The following CFAP58 variants were observed in gnomAD, a reference collection of about 807,000 sequenced individuals.
CFAP58 encodes the protein cilia and flagella associated protein 58, also known as cilia- and flagella-associated protein 58.
In CFAP58, 88 loss-of-function variants were observed where a neutral mutation model predicts 119.5. That is an observed-to-expected ratio of 0.74 (90% CI 0.62 to 0.88). The LOEUF is 0.88. CFAP58 is among the 40% of genes least tolerant of loss of function. CFAP58 has a pLI of 0.00. For synonymous variants in CFAP58, 365 were observed against 366.3 expected (o/e 1.00, Z 0.04); for missense variants, 990 against 1,021.2 (o/e 0.97, Z 0.42).
At chr10:104,397,104 A>G (rs1489699310) in intron 11 of CFAP58, among the ~76,000 whole-genome samples, 4 of 152,208 alleles carry the variant, frequency 2.6e-5, no homozygotes, top group Non-Finnish European at 5.9e-5. Context: ...ATGGATTCTG[A>G]TCAGCTCTTG....
chr10:104,399,880 T>C (rs1479444675), intron 12 of CFAP58, among the ~76,000 whole-genome samples: 1 of 152,156 alleles, frequency 6.6e-6, no homozygotes, highest in South Asian at 2.1e-4. Flanking sequence ...CTTATCACGA[T>C]GTCGGCACAT....
intron 15 of CFAP58, among the ~76,000 whole-genome samples, chr10:104,409,363 A>G (rs919144146): frequency 1.3e-5 from 2 of 152,110 alleles, no homozygotes; most frequent in Admixed American, 6.5e-5. Flanking sequence ...TGTTGTCTGT[A>G]TTATACAGAT....
At chr10:104,369,872 T>G (rs2014799744) in intron 6 of CFAP58, among the ~76,000 whole-genome samples, 1 of 152,192 alleles carries the variant, frequency 6.6e-6, no homozygotes, top group African/African-American at 2.4e-5. Flanking sequence ...TGGCAAAATT[T>G]TAAAAAAGTG....
intron 1 of CFAP58, among the ~76,000 whole-genome samples, chr10:104,355,914 C>G (rs985239740): frequency 3.9e-5 from 6 of 152,200 alleles, no homozygotes; most frequent in African/African-American, 1.4e-4. Context: ...AAAACTTGGA[C>G]TGCTAACAAA....
At chr10:104,447,598 GC>G in intron 15 of CFAP58, 99 bp from the exon 16 acceptor site, 1 of 1,443,388 alleles carries the variant, frequency 6.9e-7, no homozygotes, top group Non-Finnish European at 9.5e-7. Flanking sequence ...CTGTGAAGTA[GC>G]TTGGGCCACT....
At chr10:104,358,082 TATAC>T (rs1457691678) in intron 1 of CFAP58, among the ~76,000 whole-genome samples, 1 of 140,206 alleles carries the variant, frequency 7.1e-6, no homozygotes, top group South Asian at 2.1e-4. Context: ...TGTACATATA[TATAC>T]ACACATATAT....
intron 17 of CFAP58, among the ~76,000 whole-genome samples, chr10:104,453,451 C>T (rs765851179): frequency 3.9e-5 from 6 of 152,090 alleles, no homozygotes; most frequent in Non-Finnish European, 8.8e-5. Context: ...GTACCTTTTA[C>T]CTTCTTTTGT....
At chr10:104,397,371 C>T (rs1229642917) in intron 11 of CFAP58, among the ~76,000 whole-genome samples, 7 of 152,112 alleles carry the variant, frequency 4.6e-5, no homozygotes, top group Non-Finnish European at 8.8e-5. Context: ...AATGAACAAA[C>T]AAAATGTCAT....
chr10:104,406,052 G>A (rs2012354073), intron 14 of CFAP58, among the ~76,000 whole-genome samples: 2 of 152,120 alleles, frequency 1.3e-5, no homozygotes, highest in African/African-American at 2.4e-5. Flanking sequence ...AGCCATGATC[G>A]CACCACTGCA....
chr10:104,420,227 T>C (rs1184024576), intron 15 of CFAP58, among the ~76,000 whole-genome samples: 2 of 152,020 alleles, frequency 1.3e-5, no homozygotes, highest in African/African-American at 4.8e-5. Flanking sequence ...ATGTACTCAA[T>C]TATCAAATGC....
At chr10:104,416,132 G>A (rs533912674) in intron 15 of CFAP58, among the ~76,000 whole-genome samples, 15 of 152,242 alleles carry the variant, frequency 9.9e-5, no homozygotes, top group African/African-American at 3.6e-4. Context: ...TTATTAAAAC[G>A]ATGAGAATAC....
At chr10:104,361,459 A>AT (rs1032720501) in intron 2 of CFAP58, among the ~76,000 whole-genome samples, 23 of 152,294 alleles carry the variant, frequency 1.5e-4, no homozygotes, top group African/African-American at 5.3e-4. Context: ...GATAAAATAT[A>AT]TTTTTTATTT....
At chr10:104,449,492 A>C (rs982490315) in intron 16 of CFAP58, among the ~76,000 whole-genome samples, 17 of 152,260 alleles carry the variant, frequency 1.1e-4, no homozygotes, top group African/African-American at 4.1e-4. Flanking sequence ...GCTACCGAAC[A>C]CAGCAATGGA....
In CFAP58 at chr10:104,380,184, C is replaced by T. The variant is rs760696690; in HGVS notation, c.1329C>T (p.Asp443=). 3 of 1,613,912 alleles carry T rather than the reference C, an allele frequency of 1.9e-6. No homozygotes were observed. The highest frequency in any genetic ancestry group is 2.5e-6 in the Non-Finnish European group (3 of 1,179,986). The change falls in exon 9 of 18, where the codon GAC becomes GAT. Residue 443 remains aspartate (D), a synonymous_variant. Transcript: ENST00000369704. The part of the protein sequence containing the change: ...KIIFHLEKER[D]RYINQASDLT... Reference sequence around the variant, plus strand: ...TCTTTCATCTGGAAAAGGAGCGTGACCGGTACATCAACCAAGCCAGTGACC... The same window carrying T: ...TCTTTCATCTGGAAAAGGAGCGTGATCGGTACATCAACCAAGCCAGTGACC...
At chr10:104,388,117 T>C (rs560418278) in intron 9 of CFAP58, among the ~76,000 whole-genome samples, 240 of 152,330 alleles carry the variant, frequency 1.6e-3, no homozygotes, top group Admixed American at 4.2e-3. Context: ...GGTAGAATCC[T>C]GGAGAGAGGA....
chr10:104,350,968 C>T (rs1055048334), upstream of CFAP58, among the ~76,000 whole-genome samples: 6 of 152,294 alleles, frequency 3.9e-5, no homozygotes, highest in Admixed American at 2.6e-4. Context: ...ATCAGTGCAA[C>T]GTATGGGTGA....
intron 14 of CFAP58, among the ~76,000 whole-genome samples, chr10:104,404,832 C>T (rs1487351681): frequency 2.0e-5 from 3 of 152,162 alleles, no homozygotes; most frequent in East Asian, 1.9e-4. Context: ...CTCCTGACCT[C>T]GTGATCCGCC....
At chr10:104,423,779 A>T (rs1241555778) in intron 15 of CFAP58, among the ~76,000 whole-genome samples, 3 of 152,178 alleles carry the variant, frequency 2.0e-5, no homozygotes, top group African/African-American at 7.2e-5. Context: ...CAAGATGAGG[A>T]TTTATTTGTG....
chr10:104,421,752 A>T (rs568542264), intron 15 of CFAP58, among the ~76,000 whole-genome samples: 1 of 152,372 alleles, frequency 6.6e-6, no homozygotes, highest in Non-Finnish European at 1.5e-5. Context: ...TCAGGTTTTG[A>T]TTAGGAAGGT....
Sources: gnomAD v4.1 joint callset for allele counts (sites outside exome capture counted in the v4.1 genomes callset) on GRCh38, gnomAD v4.1.1 for gene constraint, MANE v1.5 for transcripts, NCBI Gene and HGNC (gene_info 2026-07-23, HGNC 2026-07-21) for gene names.